AMPD3: variants seen among roughly 807,000 people sequenced by gnomAD.
The protein encoded by AMPD3 is AMP deaminase 3.
Under a neutral mutation model 82.3 loss-of-function variants are expected in AMPD3, and 57 were observed. The ratio of observed to expected loss-of-function variants is 0.69; its 90% confidence interval spans 0.56 to 0.86. The LOEUF is 0.86. Ranked by LOEUF, AMPD3 falls within the 40% of genes least tolerant of loss-of-function variation. The pLI is 0.00. For synonymous variants in AMPD3, 381 were observed against 394.7 expected (o/e 0.97, Z 0.41); for missense variants, 870 against 1,003.8 (o/e 0.87, Z 1.80).
intron 10 of AMPD3, 23 bp downstream of exon 10, chr11:10,496,961 G>T (rs752117202): frequency 6.2e-7 from 1 of 1,613,530 alleles, no homozygotes; most frequent in East Asian, 2.2e-5. Flanking sequence ...GGTGCCCTAG[G>T]CAGGGCTCAT....
At chr11:10,503,778 T>C (rs960757949) in intron 13 of AMPD3, among the ~76,000 whole-genome samples, 3 of 152,236 alleles carry the variant, frequency 2.0e-5, no homozygotes, top group African/African-American at 7.2e-5. Context: ...TTCTAGCCAC[T>C]TCTGCATTCA....
At chr11:10,478,054 A>G in intron 2 of AMPD3, 4 of 985,296 alleles carry the variant, frequency 4.1e-6, no homozygotes, top group African/African-American at 3.5e-5. Context: ...ATGCAGTGTG[A>G]TTGTCTCTCT....
chr11:10,467,065 A>G (rs796508916), intron 2 of AMPD3, among the ~76,000 whole-genome samples: 14 of 152,356 alleles, frequency 9.2e-5, no homozygotes, highest in African/African-American at 3.4e-4. Flanking sequence ...GATGTAAACC[A>G]GTGCAAAAAG....
chr11:10,506,698 C>T lies in AMPD3; in HGVS notation c.*814C>T, dbSNP rs2133954892. 6.6e-6 allele frequency: 1 copy of T among 152,598 alleles called. No homozygotes were observed. Among genetic ancestry groups the T allele is most frequent in the Middle Eastern group, 3.4e-3 (1 of 296 alleles). 9.5% of individuals were successfully genotyped at this position (152,598 alleles called of 1,614,324 possible). A position where few individuals can be genotyped will look rare whatever the true frequency, so the allele number is the denominator to read the frequency against. ...ACGAAGAACTTCAAAAAGCACAGGA[C>T]TAGATGATCTCTGTTCCTTTTGGCT... On this transcript the variant is annotated 3_prime_UTR_variant, in exon 15 of 15. Coordinates refer to ENST00000396553, the MANE Select transcript of AMPD3 (RefSeq NM_001025389.2). This position sits in a 1 kb window ranked among gnomAD's most constrained non-coding sequence, Gnocchi z 4.1.
intron 3 of AMPD3, 97 bp from the exon 4 acceptor site, chr11:10,481,966 A>T (rs1008378714): frequency 4.6e-6 from 7 of 1,505,670 alleles, no homozygotes; most frequent in Non-Finnish European, 6.5e-6. Context: ...AGGTTCCCAG[A>T]TACCAGGCAA....
At chr11:10,490,701 C>G in intron 6 of AMPD3, 1 of 960,060 alleles carries the variant, frequency 1.0e-6, no homozygotes, top group South Asian at 4.8e-5. Context: ...TAAGGACAGG[C>G]TGACCCCCCT....
Position 10,506,022 on chromosome 11 carries a change from T to C in AMPD3, c.*138T>C. Reference sequence around the variant, plus strand: ...AGAAATTTTAAACTGGTGATTTTGGTTGCACTGCTCACTTTAAGAGTTAAC... The same window carrying C: ...AGAAATTTTAAACTGGTGATTTTGGCTGCACTGCTCACTTTAAGAGTTAAC... On this transcript the variant is annotated 3_prime_UTR_variant, in exon 15 of 15. Transcript: ENST00000396553. This position sits in a 1 kb window ranked among gnomAD's most constrained non-coding sequence, Gnocchi z 4.1. 1.1e-6 allele frequency: 1 copy of C among 939,370 alleles called. No individual in the cohort carries two copies. The highest frequency in any genetic ancestry group is 1.7e-6 in the Non-Finnish European group (1 of 596,716). 58.2% of individuals were successfully genotyped at this position (939,370 alleles called of 1,614,324 possible).
Position 10,456,135 on chromosome 11 carries a change from G to A in AMPD3, c.-6+687G>A. ...ACAGCCATTTTGTTTTGGATAACTG[G>A]GATTACCTGGGGACTTCAGGGCTCT... On this transcript the variant is annotated intron_variant, in intron 1 of 14. Transcript: ENST00000396553. This position sits in a 1 kb window ranked among gnomAD's most constrained non-coding sequence, Gnocchi z 4.3. 3 of 1,360,038 alleles carry A rather than the reference G, an allele frequency of 2.2e-6. No individual in the cohort carries two copies. The highest frequency in any genetic ancestry group is 2.8e-6 in the Non-Finnish European group (3 of 1,056,300). 84.2% of individuals were successfully genotyped at this position (1,360,038 alleles called of 1,614,324 possible). A position where few individuals can be genotyped will look rare whatever the true frequency, so the allele number is the denominator to read the frequency against.
At chr11:10,469,601 A>G (rs1041027874) in intron 2 of AMPD3, among the ~76,000 whole-genome samples, 2 of 152,212 alleles carry the variant, frequency 1.3e-5, no homozygotes, top group African/African-American at 4.8e-5. Context: ...TTCTGAAACT[A>G]TTCCCAACAA....
chr11:10,489,218 C>T (rs1264082084), intron 6 of AMPD3, among the ~76,000 whole-genome samples: 1 of 152,218 alleles, frequency 6.6e-6, no homozygotes, highest in Admixed American at 6.5e-5. Flanking sequence ...CTCCTCTCAG[C>T]CCTGCCCAAA....
chr11:10,488,992 G>C (rs1849161738), intron 6 of AMPD3, among the ~76,000 whole-genome samples: 1 of 152,194 alleles, frequency 6.6e-6, no homozygotes, highest in Admixed American at 6.5e-5. Flanking sequence ...CTCCCACTTG[G>C]ATGGGATCAA....
Position 10,493,417 on chromosome 11 carries a change from A to G in AMPD3, c.1008A>G (p.Thr336=). ...QKHLLRFIKH[T]YQTEPDRTVA... ...ATCTGCTGCGCTTCATCAAGCACACATACCAGACGGAGCCTGACAGGACTG... is the reference window on the plus strand; with the variant it reads ...ATCTGCTGCGCTTCATCAAGCACACGTACCAGACGGAGCCTGACAGGACTG... The change falls in exon 7 of 15, where the codon ACA becomes ACG. Residue 336 remains threonine, a synonymous_variant. Transcript: ENST00000396553. 1 of 1,614,230 alleles carries G rather than the reference A, an allele frequency of 6.2e-7. No homozygotes were observed. Among genetic ancestry groups the G allele is most frequent in the East Asian group, 2.2e-5 (1 of 44,878 alleles).
At chr11:10,452,942 T>G (rs1453285289), upstream of AMPD3, among the ~76,000 whole-genome samples, 1 of 148,182 alleles carries the variant, frequency 6.7e-6, no homozygotes, top group Non-Finnish European at 1.5e-5. Flanking sequence ...CTAGCTGGAG[T>G]TTTTTTTGTT....
intron 9 of AMPD3, chr11:10,496,192 G>A: frequency 1.0e-6 from 1 of 982,870 alleles, no homozygotes; most frequent in Non-Finnish European, 1.2e-6. Flanking sequence ...TGGGATTACA[G>A]GTGTGAGCCA....
chr11:10,491,912 T>C (rs1849250480), intron 6 of AMPD3, among the ~76,000 whole-genome samples: 1 of 152,090 alleles, frequency 6.6e-6, no homozygotes, highest in Admixed American at 6.5e-5. Flanking sequence ...TGGCATAAAT[T>C]TGGGAATTGG....
At position 10,497,368 on chromosome 11, in the gene AMPD3, T is replaced by G. The variant is rs1849439907; in HGVS notation, c.1557+430T>G. ...CAGAGGCCCTCACACCATGTGTGAT[T>G]AAGTACAAGCCCCTAAAGTGTATTT... On this transcript the variant is annotated intron_variant, in intron 10 of 14. Coordinates refer to ENST00000396553, the MANE Select transcript of AMPD3 (RefSeq NM_001025389.2). Among the ~76,000 whole-genome samples the G allele has an allele frequency of 4.6e-5, 7 of 152,152 alleles. No individual in the cohort carries two copies. In the South Asian group the frequency reaches 1.4e-3, roughly 31 times the overall value.
chr11:10,472,313 G>A lies in AMPD3; in HGVS notation c.222-6213G>A, dbSNP rs997891108. On this transcript the variant is annotated intron_variant, in intron 2 of 14. Transcript: ENST00000396553. ...TGTTGGGGGGTGAGGGGCTAGGGGA[G>A]GGATAGCATTCGGAGAAATACCTAA... Among the ~76,000 whole-genome samples the A allele has an allele frequency of 3.9e-5, 6 of 152,124 alleles. No homozygotes were observed. In the East Asian group the frequency reaches 5.8e-4, roughly 15 times the overall value.
intron 2 of AMPD3, among the ~76,000 whole-genome samples, chr11:10,465,589 G>A (rs900932083): frequency 2.0e-5 from 3 of 152,150 alleles, no homozygotes; most frequent in Admixed American, 1.3e-4. Flanking sequence ...GTGAGGCGTT[G>A]CCTCACCTGA....
chr11:10,461,164 A>T lies in AMPD3; in HGVS notation c.-5-351A>T, dbSNP rs1032783442. The T allele has an allele frequency of 4.5e-5, 55 of 1,211,140 alleles. No individual in the cohort carries two copies. The Admixed American group carries it at 1.8e-3, about 39-fold the overall frequency. 75.0% of individuals were successfully genotyped at this position (1,211,140 alleles called of 1,614,324 possible). On this transcript the variant is annotated intron_variant, in intron 1 of 14. Coordinates refer to ENST00000396553, the MANE Select transcript of AMPD3 (RefSeq NM_001025389.2). The stretch of plus-strand genomic sequence containing the variant: ...CATAGTCTGGAGGAGGGAGAGCTGA[A>T]CTCTCTCTTGTCCCTTCTCAAACAT...
Sources: allele counts gnomAD v4.1 joint callset (sites outside exome capture counted in the v4.1 genomes callset), GRCh38; gene constraint gnomAD v4.1.1; non-coding constraint Gnocchi (gnomAD v3.1); transcripts MANE v1.5; gene names NCBI Gene and HGNC (gene_info 2026-07-23, HGNC 2026-07-21).